Variants in ADAMTS3 observed in about 807,000 individuals in gnomAD.
ADAMTS3 encodes the protein A disintegrin and metalloproteinase with thrombospondin motifs 3.
Under a neutral mutation model 129.0 loss-of-function variants are expected in ADAMTS3, and 73 were observed. That is an observed-to-expected ratio of 0.57 (90% CI 0.47 to 0.69). ADAMTS3 has a LOEUF of 0.69. Ranked by LOEUF, ADAMTS3 falls within the 30% of genes least tolerant of loss-of-function variation. The pLI, the probability that ADAMTS3 is intolerant of heterozygous loss-of-function variation, is 0.00. For synonymous variants in ADAMTS3, 477 were observed against 510.8 expected (o/e 0.93, Z 0.89); for missense variants, 1,457 against 1,514.5 (o/e 0.96, Z 0.63).
chr4:72,542,490 G>A (rs556586337), intron 3 of ADAMTS3, among the ~76,000 whole-genome samples: 76 of 152,226 alleles, frequency 5.0e-4, no homozygotes, highest in South Asian at 1.5e-3. Context: ...TATTGTTATC[G>A]TTGTCAATCC....
intron 3 of ADAMTS3, among the ~76,000 whole-genome samples, chr4:72,457,149 A>G (rs1411414482): frequency 1.3e-5 from 2 of 151,734 alleles, no homozygotes; most frequent in Non-Finnish European, 3.0e-5. Flanking sequence ...AAACAAAGTG[A>G]GCTTTGTTTG....
At chr4:72,473,101 G>GT (rs1560529206) in intron 3 of ADAMTS3, among the ~76,000 whole-genome samples, 1 of 152,100 alleles carries the variant, frequency 6.6e-6, no homozygotes, top group East Asian at 1.9e-4. Context: ...TATTCAACAT[G>GT]TGTACCTGAA....
intron 3 of ADAMTS3, among the ~76,000 whole-genome samples, chr4:72,529,836 T>C (rs1463053019): frequency 1.1e-4 from 9 of 84,836 alleles, no homozygotes; most frequent in Non-Finnish European, 1.9e-4. Flanking sequence ...ATATATAACA[T>C]ATAATATATT....
intron 3 of ADAMTS3, among the ~76,000 whole-genome samples, chr4:72,489,738 C>A (rs1719691061): frequency 6.6e-6 from 1 of 151,688 alleles, no homozygotes; most frequent in Non-Finnish European, 1.5e-5. Context: ...TCTTATTGTG[C>A]CTATTTTATA....
At chr4:72,454,579 C>A (rs1718492492) in intron 3 of ADAMTS3, among the ~76,000 whole-genome samples, 1 of 151,654 alleles carries the variant, frequency 6.6e-6, no homozygotes, top group Non-Finnish European at 1.5e-5. Flanking sequence ...GCACTTGACA[C>A]TAGCTAATAT....
rs1722093972 is a variant in ADAMTS3 at position 72,568,941 on chromosome 4, C to G, written c.-179G>C. The G allele has an allele frequency of 3.2e-6, 2 of 625,076 alleles. No individual in the cohort carries two copies. Among genetic ancestry groups the G allele is most frequent in the South Asian group, 4.0e-5 (2 of 50,036 alleles). The allele number at this position is 625,076 out of a possible 1,614,324, so 38.7% of individuals were successfully genotyped here. The stretch of plus-strand genomic sequence containing the variant: ...AATGAAATTTGAGCTCTGAGACTGG[C>G]CCCCTCTGCTCTGCAGTTTTTTCCA... On this transcript the variant is annotated 5_prime_UTR_variant, in exon 1 of 22. Transcript: ENST00000286657.
At chr4:72,496,001 T>TA (rs1205477967) in intron 3 of ADAMTS3, among the ~76,000 whole-genome samples, 1 of 152,210 alleles carries the variant, frequency 6.6e-6, no homozygotes, top group African/African-American at 2.4e-5. Context: ...TATAAAGTGT[T>TA]AGATATCAAA....
intron 3 of ADAMTS3, among the ~76,000 whole-genome samples, chr4:72,466,526 G>A (rs998855139): frequency 5.9e-5 from 9 of 152,004 alleles, no homozygotes; most frequent in East Asian, 3.9e-4. Flanking sequence ...TTCTGAAGGC[G>A]GAGCAAACAG....
chr4:72,291,357 C>T (rs1404874475), intron 19 of ADAMTS3, among the ~76,000 whole-genome samples: 1 of 151,492 alleles, frequency 6.6e-6, no homozygotes, highest in Non-Finnish European at 1.5e-5. Flanking sequence ...CCCATTAACT[C>T]ATCATTTAGC....
At chr4:72,300,727 G>A (rs115223223) in intron 17 of ADAMTS3, among the ~76,000 whole-genome samples, 172 of 152,194 alleles carry the variant, frequency 1.1e-3, no homozygotes, top group African/African-American at 3.9e-3. Context: ...CCATGTTCTC[G>A]CTCACTTGAG....
In ADAMTS3 at chr4:72,414,889, CT is replaced by C; in HGVS notation, c.586del (p.Arg196GlyfsTer11). 6.3e-7 allele frequency: 1 copy of C among 1,584,708 alleles called. No homozygotes were observed. Among genetic ancestry groups the C allele is most frequent in the South Asian group, 1.2e-5 (1 of 86,730 alleles). ...RGKQMEEEKG[R>X]IHVVYKRSAV... ...TGATCTCTTGTAGACAACATGAATC[CT>C]TCCTTTTTCTTCCTCCATCTGTTTA... On this transcript the variant is annotated frameshift_variant, in exon 4 of 22. Coordinates refer to ENST00000286657, the MANE Select transcript of ADAMTS3 (RefSeq NM_014243.3). LOFTEE classifies it high-confidence loss of function.
chr4:72,506,484 A>C (rs1720162180), intron 3 of ADAMTS3, among the ~76,000 whole-genome samples: 1 of 152,210 alleles, frequency 6.6e-6, no homozygotes, highest in African/African-American at 2.4e-5. Flanking sequence ...AAGCAGTTCA[A>C]TTGCTGGCCC....
chr4:72,328,718 C>T (rs1434565), intron 5 of ADAMTS3, among the ~76,000 whole-genome samples: 150,283 of 152,296 alleles, frequency 0.99, 74,173 homozygotes, highest in Non-Finnish European at 1. Context: ...GCAGTAATTA[C>T]TGCTATTATT....
intron 3 of ADAMTS3, among the ~76,000 whole-genome samples, chr4:72,471,471 T>C (rs1026143224): frequency 1.5e-4 from 23 of 152,140 alleles, no homozygotes; most frequent in African/African-American, 4.3e-4. Flanking sequence ...CTAGTATTTG[T>C]TGAGTTCTAG....
intron 4 of ADAMTS3, among the ~76,000 whole-genome samples, chr4:72,371,291 T>TTA (rs1177493536): frequency 6.6e-6 from 1 of 152,012 alleles, no homozygotes. Context: ...TGATAACTGA[T>TTA]TATATATTTG....
chr4:72,491,465 A>C (rs558732333), intron 3 of ADAMTS3, among the ~76,000 whole-genome samples: 1 of 151,836 alleles, frequency 6.6e-6, no homozygotes, highest in African/African-American at 2.4e-5. Context: ...ATGTTGAAGT[A>C]AGATCCTTCT....
At position 72,370,977 on chromosome 4, in the gene ADAMTS3, T is replaced by C. The variant is rs747197119; in HGVS notation, c.662-31284A>G. On this transcript the variant is annotated intron_variant, in intron 4 of 21. Coordinates refer to ENST00000286657, the MANE Select transcript of ADAMTS3 (RefSeq NM_014243.3). ...GCGTGGGACCTAATTCAGTGAATGA[T>C]GTCTTTAGAATAAAAGAGAAATGTA... is the stretch of plus-strand genomic sequence containing the variant. Among the ~76,000 whole-genome samples, 146 of 152,284 alleles carry C rather than the reference T, an allele frequency of 9.6e-4. 1 individual carries two copies. The highest frequency in any genetic ancestry group is 1.2e-4 in the Non-Finnish European group (8 of 68,034).
At chr4:72,334,554 TG>T (rs146446479) in intron 5 of ADAMTS3, among the ~76,000 whole-genome samples, 405 of 152,224 alleles carry the variant, frequency 2.7e-3, no homozygotes, top group African/African-American at 9.6e-3. Context: ...TCTACTCTCT[TG>T]AAGCTTGGTG....
At chr4:72,416,767 A>G (rs1236869132) in intron 3 of ADAMTS3, among the ~76,000 whole-genome samples, 3 of 152,128 alleles carry the variant, frequency 2.0e-5, no homozygotes, top group East Asian at 3.9e-4. Context: ...ATTTTAATCT[A>G]TTCTATATTA....
Sources: gnomAD v4.1 joint callset for allele counts (sites outside exome capture counted in the v4.1 genomes callset) on GRCh38, gnomAD v4.1.1 for gene constraint, MANE v1.5 for transcripts, NCBI Gene and HGNC (gene_info 2026-07-23, HGNC 2026-07-21) for gene names.